Variants in KATNAL1 observed in about 807,000 individuals in gnomAD.
KATNAL1 encodes the protein katanin p60 ATPase-containing subunit A-like 1.
In KATNAL1, 32 loss-of-function variants were observed where a neutral mutation model predicts 55.2. That is an observed-to-expected ratio of 0.58 (90% CI 0.44 to 0.78). The LOEUF is 0.78. Ranked by LOEUF, KATNAL1 falls within the 30% of genes least tolerant of loss-of-function variation. KATNAL1 has a pLI of 0.00. For missense variants in KATNAL1, 466 were observed against 600.9 expected, an observed-to-expected ratio of 0.78 and a Z score of 2.35; for synonymous variants, 193 against 193.6, an observed-to-expected ratio of 1.00 and a Z score of 0.02.
At chr13:30,227,300 T>C in intron 9 of KATNAL1, 112 bp downstream of exon 9, 1 of 989,678 alleles carries the variant, frequency 1.0e-6, no homozygotes, top group Admixed American at 2.3e-5. Context: ...TACAAATTAA[T>C]TTTGTGATGC....
chr13:30,290,290 T>C (rs1226913455), intron 1 of KATNAL1, among the ~76,000 whole-genome samples: 1 of 149,998 alleles, frequency 6.7e-6, no homozygotes, highest in Non-Finnish European at 1.5e-5. Context: ...ATCAATAAAA[T>C]GAATAAACCT....
At chr13:30,306,831 G>A (rs1883209255) in intron 1 of KATNAL1, 1 of 152,292 alleles carries the variant, frequency 6.6e-6, no homozygotes, top group African/African-American at 2.4e-5. Context: ...CCTGCAGCTT[G>A]GGCGGCTGCT....
intron 4 of KATNAL1, among the ~76,000 whole-genome samples, chr13:30,247,429 A>G (rs1877899984): frequency 6.6e-6 from 1 of 152,234 alleles, no homozygotes; most frequent in African/African-American, 2.4e-5. Context: ...TTCTTTCAAC[A>G]ATATTTGCCA....
At chr13:30,210,505 T>C in intron 9 of KATNAL1, 63 bp from the exon 10 acceptor site, 2 of 1,491,356 alleles carry the variant, frequency 1.3e-6, no homozygotes, top group Non-Finnish European at 1.8e-6. Flanking sequence ...TGCTGAGAAA[T>C]GACATATTAA....
chr13:30,284,717 A>G (rs1268532428), intron 1 of KATNAL1, among the ~76,000 whole-genome samples: 1 of 152,160 alleles, frequency 6.6e-6, no homozygotes, highest in Non-Finnish European at 1.5e-5. Context: ...CCATGCAAAT[A>G]ACTATTGTTA....
At chr13:30,215,456 C>T (rs1470583558) in intron 9 of KATNAL1, among the ~76,000 whole-genome samples, 1 of 152,126 alleles carries the variant, frequency 6.6e-6, no homozygotes, top group Non-Finnish European at 1.5e-5. Context: ...AATCATGCTG[C>T]TATAAAGACA....
intron 4 of KATNAL1, among the ~76,000 whole-genome samples, chr13:30,241,938 G>A (rs1298833712): frequency 2.0e-5 from 3 of 152,124 alleles, no homozygotes; most frequent in African/African-American, 4.8e-5. Flanking sequence ...GCAGTATGGC[G>A]GTAGCATTAA....
intron 9 of KATNAL1, among the ~76,000 whole-genome samples, chr13:30,221,094 T>C (rs993354788): frequency 6.6e-5 from 10 of 152,192 alleles, no homozygotes; most frequent in African/African-American, 2.4e-4. Flanking sequence ...GAAAAGATAA[T>C]ATAAGATGGA....
chr13:30,283,158 C>T (rs899255017), intron 2 of KATNAL1, among the ~76,000 whole-genome samples: 1 of 148,974 alleles, frequency 6.7e-6, no homozygotes. Flanking sequence ...GTCCCAGCTA[C>T]TCCGGAGGCT....
intron 3 of KATNAL1, among the ~76,000 whole-genome samples, chr13:30,273,451 TGTC>T (rs1416971168): frequency 6.6e-6 from 1 of 152,204 alleles, no homozygotes; most frequent in Non-Finnish European, 1.5e-5. Flanking sequence ...TAAGCCTCAG[TGTC>T]GTCTTCTAAA....
At chr13:30,210,875 T>G (rs1873629933) in intron 9 of KATNAL1, among the ~76,000 whole-genome samples, 1 of 152,176 alleles carries the variant, frequency 6.6e-6, no homozygotes, top group East Asian at 1.9e-4. Flanking sequence ...CCTGTTAGTA[T>G]GACATGGATC....
At chr13:30,229,439 G>A (rs1875854639) in intron 8 of KATNAL1, among the ~76,000 whole-genome samples, 1 of 152,168 alleles carries the variant, frequency 6.6e-6, no homozygotes, top group East Asian at 1.9e-4. Flanking sequence ...AATTACTGAG[G>A]CTGGGTGCAG....
Position 30,208,515 on chromosome 13 carries a change from C to A in KATNAL1, c.*25G>T. On this transcript the variant is annotated 3_prime_UTR_variant, in exon 11 of 11. Coordinates refer to ENST00000380615, the MANE Select transcript of KATNAL1 (RefSeq NM_032116.5). ...CTTCGTATTTTATCAACAAAAATAC[C>A]AGAAATTAAAGAGCTGACAGAAATT... 3 of 1,443,204 alleles carry A rather than the reference C, an allele frequency of 2.1e-6. No homozygotes were observed. The highest frequency in any genetic ancestry group is 1.6e-5 in the South Asian group (1 of 62,952). 89.4% of individuals were successfully genotyped at this position (1,443,204 alleles called of 1,614,324 possible). A position where few individuals can be genotyped will look rare whatever the true frequency, so the allele number is the denominator to read the frequency against.
At chr13:30,250,664 T>C (rs1286954131) in intron 4 of KATNAL1, among the ~76,000 whole-genome samples, 3 of 152,194 alleles carry the variant, frequency 2.0e-5, no homozygotes, top group African/African-American at 7.2e-5. Context: ...TCATGATAAA[T>C]GGCCATTTGT....
In KATNAL1 at chr13:30,206,999, A is replaced by G. The variant is rs1873213838; in HGVS notation, c.*1541T>C. On this transcript the variant is annotated 3_prime_UTR_variant, in exon 11 of 11. Coordinates refer to ENST00000380615, the MANE Select transcript of KATNAL1 (RefSeq NM_032116.5). Reference sequence around the variant, plus strand: ...CAGACTTAAGTTATCTGAAAAGAACATAAGGCATTTACAGTTTTTAGCAGG... The same window carrying G: ...CAGACTTAAGTTATCTGAAAAGAACGTAAGGCATTTACAGTTTTTAGCAGG... 6.6e-6 allele frequency: 1 copy of G among 152,194 alleles called. No homozygotes were observed. Among genetic ancestry groups the G allele is most frequent in the Admixed American group, 6.5e-5 (1 of 15,286 alleles). 9.4% of individuals were successfully genotyped at this position (152,194 alleles called of 1,614,324 possible).
chr13:30,241,466 T>C (rs746285824), intron 4 of KATNAL1, among the ~76,000 whole-genome samples: 18 of 152,196 alleles, frequency 1.2e-4, no homozygotes, highest in Non-Finnish European at 2.6e-4. Context: ...ATTAAGACCA[T>C]TAAAGCAATA....
intron 1 of KATNAL1, among the ~76,000 whole-genome samples, chr13:30,297,201 G>A (rs956473282): frequency 1.3e-5 from 2 of 151,272 alleles, no homozygotes; most frequent in African/African-American, 2.4e-5. Flanking sequence ...GGATGAGGAG[G>A]AGTAGGAAGA....
rs988364649 is a variant in KATNAL1 at position 30,206,606 on chromosome 13, T to G, written c.*1934A>C. The G allele has an allele frequency of 1.3e-5, 2 of 152,024 alleles. No individual in the cohort carries two copies. The highest frequency in any genetic ancestry group is 4.8e-5 in the African/African-American group (2 of 41,408). The allele number at this position is 152,024 out of a possible 1,614,324, so 9.4% of individuals were successfully genotyped here. On this transcript the variant is annotated 3_prime_UTR_variant, in exon 11 of 11. Coordinates refer to ENST00000380615, the MANE Select transcript of KATNAL1 (RefSeq NM_032116.5). ...CAAAACCCAGAAAAGGTCTAACTAA[T>G]CAACTATTGTTAGGCTGGTGCAAAA... is the stretch of plus-strand genomic sequence containing the variant.
rs73443653 is a variant in KATNAL1 at position 30,209,611 on chromosome 13, C to T, written c.1274+705G>A. ...GTCGCTAAACTGAAAAAATTTTAAA[C>T]GTGTATCTTCCCCAGCTTACGCTGA... On this transcript the variant is annotated intron_variant, in intron 10 of 10. Coordinates refer to ENST00000380615, the MANE Select transcript of KATNAL1 (RefSeq NM_032116.5). Among the ~76,000 whole-genome samples the T allele has an allele frequency of 5.5e-3, 835 of 152,278 alleles. 12 individuals are homozygous for T. The highest frequency in any genetic ancestry group is 0.019 in the African/African-American group (799 of 41,542).
Sources: allele counts gnomAD v4.1 joint callset (sites outside exome capture counted in the v4.1 genomes callset), GRCh38; gene constraint gnomAD v4.1.1; transcripts MANE v1.5; gene names NCBI Gene and HGNC (gene_info 2026-07-23, HGNC 2026-07-21).